SLC10A1: variants seen among roughly 807,000 people sequenced by gnomAD.
SLC10A1 encodes the protein solute carrier family 10 member 1, also known as hepatic sodium/bile acid cotransporter.
In SLC10A1, 36 loss-of-function variants were observed where a neutral mutation model predicts 20.5. The observed-to-expected ratio is 1.75, with a 90% CI of 1.34 to 2.32. The LOEUF (loss-of-function observed/expected upper bound fraction) is 2.32, where lower values mean the gene tolerates loss of function less well. Ranked by LOEUF, SLC10A1 falls within the 30% of genes most tolerant of loss-of-function variation. The probability of loss-of-function intolerance (pLI) is 0.00; values close to 1 mark genes in which losing one functional copy is unlikely to be tolerated. For synonymous variants in SLC10A1, 188 were observed against 163.6 expected (o/e 1.15, Z -1.14); for missense variants, 545 against 439.1 (o/e 1.24, Z -2.16).
intron 2 of SLC10A1, among the ~76,000 whole-genome samples, chr14:69,781,488 T>A (rs1883591347): frequency 6.6e-6 from 1 of 152,116 alleles, no homozygotes; most frequent in South Asian, 2.1e-4. Context: ...ATTTAGGAAG[T>A]TTGCAGGATT....
chr14:69,778,090 TTA>T (rs1883491023), intron 4 of SLC10A1, among the ~76,000 whole-genome samples: 1 of 152,132 alleles, frequency 6.6e-6, no homozygotes, highest in Non-Finnish European at 1.5e-5. Flanking sequence ...TGCTTCAGTT[TTA>T]TGAGGTAAAC....
intron 2 of SLC10A1, among the ~76,000 whole-genome samples, chr14:69,781,173 T>A (rs1014655849): frequency 2.6e-5 from 4 of 152,186 alleles, no homozygotes; most frequent in Non-Finnish European, 5.9e-5. Context: ...GTAACTCCTG[T>A]TATTACTCAA....
intron 1 of SLC10A1, among the ~76,000 whole-genome samples, chr14:69,796,012 C>T (rs992722433): frequency 2.6e-5 from 4 of 152,192 alleles, no homozygotes; most frequent in African/African-American, 9.7e-5. Context: ...TCTGAAGTAG[C>T]TCCTCTGGCA....
intron 2 of SLC10A1, among the ~76,000 whole-genome samples, chr14:69,784,958 A>C (rs1344553496): frequency 5.3e-5 from 8 of 151,504 alleles, no homozygotes; most frequent in South Asian, 2.1e-4. Flanking sequence ...TGAAAATAAA[A>C]CCCCCCTGAA....
rs750418349 is a variant in SLC10A1, at chr14:69,778,378, G to A, written c.898C>T (p.Leu300Phe). ...TCATAGCACCAAAATATGGCAATGA[G>A]GAGAAGCCCTTCTCCAAGCTGGAAA... ...MIFQLGEGLL[L>F]IAIFWCYEKF... The change falls in exon 4 of 5, where the codon CTC becomes TTC. Residue 300 changes from leucine to phenylalanine, a missense_variant. By Grantham distance (22) the Leu-to-Phe change is conservative. Transcript: ENST00000216540. 8.1e-6 allele frequency: 13 copies of A among 1,613,282 alleles called. No individual in the cohort carries two copies. Among genetic ancestry groups the A allele is most frequent in the Non-Finnish European group, 1.1e-5 (13 of 1,179,662 alleles).
In SLC10A1 at chr14:69,791,589, T is replaced by C. The variant is rs796816599; in HGVS notation, c.356+5211A>G. Among the ~76,000 whole-genome samples the C allele has an allele frequency of 2.0e-5, 3 of 152,246 alleles. No individual in the cohort carries two copies. In the South Asian group the frequency reaches 6.2e-4, roughly 32 times the overall value. On this transcript the variant is annotated intron_variant, in intron 1 of 4. Coordinates refer to ENST00000216540, the MANE Select transcript of SLC10A1 (RefSeq NM_003049.4). The stretch of plus-strand genomic sequence containing the variant: ...TGCTGGGATTACAGGCGTGAGCCAC[T>C]GTGCCCGGCCCATGATTTTCAAGAA...
Sources: gnomAD v4.1 joint callset for allele counts (sites outside exome capture counted in the v4.1 genomes callset) on GRCh38, gnomAD v4.1.1 for gene constraint, MANE v1.5 for transcripts, NCBI Gene and HGNC (gene_info 2026-07-23, HGNC 2026-07-21) for gene names.